SMAD2: variants seen among roughly 807,000 people sequenced by gnomAD.
SMAD2 encodes MAD homolog 2.
In SMAD2, 8 loss-of-function variants were observed where a neutral mutation model predicts 64.4. That is an observed-to-expected ratio of 0.12 (90% CI 0.07 to 0.22). The LOEUF is 0.22. Among genes scored for constraint, SMAD2 ranks in the 10% least tolerant of loss-of-function variants. The pLI, the probability that SMAD2 is intolerant of heterozygous loss-of-function variation, is 1.00. For synonymous variants in SMAD2, 203 were observed against 195.8 expected (o/e 1.04, Z -0.31); for missense variants, 289 against 561.2 (o/e 0.51, Z 4.90).
At position 47,896,512 on chromosome 18, in the gene SMAD2, A is replaced by G; in HGVS notation, c.236+9T>C. ...AATTTGATCAAACCTGGGATCTAAC[A>G]AAACTTACCTTGGTATGGTAACACA... On this transcript the variant is annotated intron_variant, in intron 2 of 10. Transcript: ENST00000262160. 1 of 1,614,104 alleles carries G rather than the reference A, an allele frequency of 6.2e-7. No individual in the cohort carries two copies. The highest frequency in any genetic ancestry group is 1.1e-5 in the South Asian group (1 of 91,084).
intron 1 of SMAD2, among the ~76,000 whole-genome samples, chr18:47,927,319 G>GT (rs5824717): frequency 0.64 from 97,624 of 152,014 alleles, 32,485 homozygotes; most frequent in East Asian, 0.85. Context: ...GTGACACTGA[G>GT]TAACACTTCA....
chr18:47,891,061 T>C (rs1033350626), intron 2 of SMAD2, among the ~76,000 whole-genome samples: 4 of 152,114 alleles, frequency 2.6e-5, no homozygotes, highest in African/African-American at 9.7e-5. Flanking sequence ...TCCCAGCACT[T>C]TGGGAGGCCG....
At chr18:47,889,863 C>T (rs1447171971) in intron 2 of SMAD2, among the ~76,000 whole-genome samples, 1 of 151,954 alleles carries the variant, frequency 6.6e-6, no homozygotes, top group African/African-American at 2.4e-5. Flanking sequence ...GCTAGGTTGA[C>T]TCTTTCCTGA....
chr18:47,857,092 C>T (rs1419054301), intron 6 of SMAD2, among the ~76,000 whole-genome samples: 3 of 151,976 alleles, frequency 2.0e-5, no homozygotes, highest in South Asian at 2.1e-4. Context: ...CTCCTGACCT[C>T]GTGATCCGCC....
intron 6 of SMAD2, among the ~76,000 whole-genome samples, chr18:47,854,333 C>A (rs889469222): frequency 6.6e-6 from 1 of 152,186 alleles, no homozygotes; most frequent in African/African-American, 2.4e-5. Flanking sequence ...AAACCTTTGA[C>A]AAATTAACAA....
At chr18:47,907,830 C>T (rs1230224326) in intron 1 of SMAD2, among the ~76,000 whole-genome samples, 2 of 152,118 alleles carry the variant, frequency 1.3e-5, no homozygotes, top group African/African-American at 4.8e-5. Flanking sequence ...TGTCTATACT[C>T]CTAGCTACTT....
rs1427915831 is a variant in SMAD2 at position 47,814,182 on chromosome 18, C to G, written c.*27645G>C. 6.6e-6 allele frequency: 1 copy of G among 152,100 alleles called. No individual in the cohort carries two copies. Among genetic ancestry groups the G allele is most frequent in the African/African-American group, 2.4e-5 (1 of 41,426 alleles). The allele number at this position is 152,100 out of a possible 1,614,324, so 9.4% of individuals were successfully genotyped here. A position where few individuals can be genotyped will look rare whatever the true frequency, so the allele number is the denominator to read the frequency against. On this transcript the variant is annotated 3_prime_UTR_variant, in exon 11 of 11. Coordinates refer to ENST00000262160, the MANE Select transcript of SMAD2 (RefSeq NM_005901.6). ...AAAGATTCCATTTTCTTCATATATG[C>G]CCCCCTGCTGTCTTTCCAATAAAGG...
At chr18:47,879,573 T>C (rs2032468706) in intron 2 of SMAD2, among the ~76,000 whole-genome samples, 1 of 150,942 alleles carries the variant, frequency 6.6e-6, no homozygotes, top group African/African-American at 2.4e-5. Flanking sequence ...ATTTAGTCAT[T>C]CTTATACTGA....
At chr18:47,900,354 C>T (rs567241245) in intron 1 of SMAD2, among the ~76,000 whole-genome samples, 1 of 152,236 alleles carries the variant, frequency 6.6e-6, no homozygotes, top group Non-Finnish European at 1.5e-5. Context: ...TGATCCAGCC[C>T]TAACTACTCA....
At position 47,841,797 on chromosome 18, in the gene SMAD2, G is replaced by A. The variant is rs2144275770; in HGVS notation, c.*30C>T. On this transcript the variant is annotated 3_prime_UTR_variant, in exon 11 of 11. Coordinates refer to ENST00000262160, the MANE Select transcript of SMAD2 (RefSeq NM_005901.6). Reference sequence around the variant, plus strand: ...TATGACAGAAGAGTTGTTACATTAAGTCTTTTCATGGGACTTGATTGGTGA... The same window carrying A: ...TATGACAGAAGAGTTGTTACATTAAATCTTTTCATGGGACTTGATTGGTGA... 1 of 1,613,654 alleles carries A rather than the reference G, an allele frequency of 6.2e-7. No individual in the cohort carries two copies.
rs1214626675 is a variant in SMAD2 at position 47,853,890 on chromosome 18, G to A, written c.731-2563C>T. 2.0e-5 allele frequency among the ~76,000 whole-genome samples: 3 copies of A among 152,014 alleles called. No homozygotes were observed. In the South Asian group the frequency reaches 6.2e-4, roughly 32 times the overall value. The stretch of plus-strand genomic sequence containing the variant: ...CTGAAACCAACATAAAATAAACAAA[G>A]CCACTATTAGAAATGGAGGAAACTG... On this transcript the variant is annotated intron_variant, in intron 6 of 10. Transcript: ENST00000262160.
rs1336114225 is a variant in SMAD2 at position 47,826,655 on chromosome 18, T to G, written c.*15172A>C. 3 of 152,248 alleles carry G rather than the reference T, an allele frequency of 2.0e-5. No individual in the cohort carries two copies. Among genetic ancestry groups the G allele is most frequent in the Non-Finnish European group, 4.4e-5 (3 of 68,042 alleles). 9.4% of individuals were successfully genotyped at this position (152,248 alleles called of 1,614,324 possible). ...GAAATCACTTATCTAATTCATAAACTGTTTATTGCTGCACACCACTGGGTT... is the reference window on the plus strand; with the variant it reads ...GAAATCACTTATCTAATTCATAAACGGTTTATTGCTGCACACCACTGGGTT... On this transcript the variant is annotated 3_prime_UTR_variant, in exon 11 of 11. Coordinates refer to ENST00000262160, the MANE Select transcript of SMAD2 (RefSeq NM_005901.6).
Position 47,819,730 on chromosome 18 carries a change from A to G in SMAD2, c.*22097T>C, listed in dbSNP as rs1784675519. The G allele has an allele frequency of 7.2e-6, 1 of 139,206 alleles. No homozygotes were observed. The highest frequency in any genetic ancestry group is 2.6e-5 in the African/African-American group (1 of 38,112). The allele number at this position is 139,206 out of a possible 1,614,324, so 8.6% of individuals were successfully genotyped here. A position where few individuals can be genotyped will look rare whatever the true frequency, so the allele number is the denominator to read the frequency against. ...AGAATGGCATGAACCCAGAAGGCGG[A>G]GCTTGCAGTGAGCCGAGATCACGCC... On this transcript the variant is annotated 3_prime_UTR_variant, in exon 11 of 11. Transcript: ENST00000262160.
Position 47,827,761 on chromosome 18 carries a change from T to TG in SMAD2, c.*14065dup, listed in dbSNP as rs1912811470. 5.6e-6 allele frequency: 1 copy of TG among 177,426 alleles called. No individual in the cohort carries two copies. Among genetic ancestry groups the TG allele is most frequent in the East Asian group, 1.7e-4 (1 of 5,830 alleles). The allele number at this position is 177,426 out of a possible 1,614,324, so 11.0% of individuals were successfully genotyped here. ...CCTCCCGAGGTGCTGGGATTGCAGA[T>TG]GGAGTCTCGCTCACTCAGTGCTCAA... On this transcript the variant is annotated 3_prime_UTR_variant, in exon 11 of 11. Transcript: ENST00000262160.
intron 2 of SMAD2, among the ~76,000 whole-genome samples, chr18:47,880,873 A>G (rs2032546078): frequency 6.6e-6 from 1 of 152,188 alleles, no homozygotes; most frequent in African/African-American, 2.4e-5. Context: ...TCTACCGTAC[A>G]CATGTGGGAT....
intron 2 of SMAD2, chr18:47,882,545 A>T (rs943014078): frequency 1.3e-5 from 2 of 152,100 alleles, no homozygotes; most frequent in African/African-American, 2.4e-5. Context: ...TTGGAATAGA[A>T]CTCAATTATG....
Position 47,853,299 on chromosome 18 carries a change from G to A in SMAD2, c.731-1972C>T, listed in dbSNP as rs1470523287. On this transcript the variant is annotated intron_variant, in intron 6 of 10. Transcript: ENST00000262160. The stretch of plus-strand genomic sequence containing the variant: ...TGAAAGTGGTTTGGTTTAGACGTCC[G>A]GGAATTGCATCTGTTTTTAAGCCTA... 6.6e-4 allele frequency: 116 copies of A among 175,506 alleles called. 38 individuals are homozygous for A. In the Middle Eastern group the frequency reaches 6.7e-3, roughly 10 times the overall value. 10.9% of individuals were successfully genotyped at this position (175,506 alleles called of 1,614,324 possible). A position where few individuals can be genotyped will look rare whatever the true frequency, so the allele number is the denominator to read the frequency against.
chr18:47,823,136 C>A lies in SMAD2; in HGVS notation c.*18691G>T, dbSNP rs1912629799. On this transcript the variant is annotated 3_prime_UTR_variant, in exon 11 of 11. Coordinates refer to ENST00000262160, the MANE Select transcript of SMAD2 (RefSeq NM_005901.6). ...ATTTGAGAATGTGTAGAATGCCTGG[C>A]TTCAATGGTTCTCAGCATTACACTG... is the stretch of plus-strand genomic sequence containing the variant. 1 of 152,160 alleles carries A rather than the reference C, an allele frequency of 6.6e-6. No individual in the cohort carries two copies. Among genetic ancestry groups the A allele is most frequent in the Non-Finnish European group, 1.5e-5 (1 of 68,030 alleles). 9.4% of individuals were successfully genotyped at this position (152,160 alleles called of 1,614,324 possible).
chr18:47,843,657 T>G (rs1003663090), intron 10 of SMAD2, among the ~76,000 whole-genome samples: 1 of 152,198 alleles, frequency 6.6e-6, no homozygotes, highest in Admixed American at 6.5e-5. Context: ...TATCCACAGA[T>G]AGATGGATAT....
Sources: allele counts gnomAD v4.1 joint callset (sites outside exome capture counted in the v4.1 genomes callset), GRCh38; gene constraint gnomAD v4.1.1; transcripts MANE v1.5; gene names NCBI Gene and HGNC (gene_info 2026-07-23, HGNC 2026-07-21).